RPP30: variants seen among roughly 807,000 people sequenced by gnomAD.
RPP30 encodes ribonuclease P/MRP subunit p30.
RPP30 carries 36 observed loss-of-function variants against 38.6 expected under a neutral mutation model. That is an observed-to-expected ratio of 0.93 (90% CI 0.71 to 1.23). RPP30 has a LOEUF of 1.23. Among genes scored for constraint, RPP30 ranks in the 50% most tolerant of loss-of-function variants. RPP30 has a pLI of 0.00. For synonymous variants in RPP30, 126 were observed against 112.7 expected (o/e 1.12, Z -0.75); for missense variants, 321 against 321.7 (o/e 1.00, Z 0.02).
At chr10:90,875,666 G>T (rs377631821) in intron 3 of RPP30, 52 bp downstream of exon 3, 6 of 1,464,104 alleles carry the variant, frequency 4.1e-6, no homozygotes, top group African/African-American at 2.8e-5. Flanking sequence ...CAGTTAAAAG[G>T]TACCTAATTA....
chr10:90,902,125 G>C lies in RPP30; in HGVS notation c.*1446G>C, dbSNP rs1195111307. ...GAAAATACAGTTTTAAAAAGAGAAA[G>C]CTTTATAACCTCACCAATGAATACA... On this transcript the variant is annotated 3_prime_UTR_variant, in exon 11 of 11. Transcript: ENST00000371703. 1.0e-6 allele frequency: 1 copy of C among 989,462 alleles called. No homozygotes were observed. The highest frequency in any genetic ancestry group is 5.1e-4 in the Middle Eastern group (1 of 1,944). 61.3% of individuals were successfully genotyped at this position (989,462 alleles called of 1,614,324 possible). A position where few individuals can be genotyped will look rare whatever the true frequency, so the allele number is the denominator to read the frequency against.
In RPP30 at chr10:90,899,200, CG is replaced by C. The variant is rs1297016810; in HGVS notation, c.698-1369del. 1.2e-4 allele frequency among the ~76,000 whole-genome samples: 18 copies of C among 152,146 alleles called. No homozygotes were observed. In the East Asian group the frequency reaches 3.1e-3, roughly 26 times the overall value. On this transcript the variant is annotated intron_variant, in intron 10 of 10. Transcript: ENST00000371703. ...CATAAATTAATAGCTATAAGTGTGA[CG>C]TTTTTCATTTGGTGAAATGGAAATC... is the stretch of plus-strand genomic sequence containing the variant.
At position 90,896,296 on chromosome 10, in the gene RPP30, T is replaced by G. The variant is rs1847137710; in HGVS notation, c.618-17T>G. ...CCTTGGGTGACTCTGGGTTGAAATC[T>G]TTAATGCTCCCCCAAGAGGCTTGCT... On this transcript the variant is annotated splice_polypyrimidine_tract_variant and intron_variant, in intron 9 of 10. Transcript: ENST00000371703. The G allele has an allele frequency of 1.2e-6, 2 of 1,612,612 alleles. No homozygotes were observed. The highest frequency in any genetic ancestry group is 8.5e-7 in the Non-Finnish European group (1 of 1,178,716).
At chr10:90,897,763 A>G (rs996156715) in intron 10 of RPP30, among the ~76,000 whole-genome samples, 2 of 152,118 alleles carry the variant, frequency 1.3e-5, no homozygotes, top group Admixed American at 1.3e-4. Flanking sequence ...TTCAGCATAT[A>G]ACACATAATA....
intron 6 of RPP30, among the ~76,000 whole-genome samples, chr10:90,890,035 TG>T (rs1379796259): frequency 2.6e-5 from 4 of 152,204 alleles, no homozygotes; most frequent in Non-Finnish European, 4.4e-5. Flanking sequence ...AGTTTTGGGA[TG>T]GGGTAGATGT....
rs1342890856 is a variant in RPP30 at position 90,899,459 on chromosome 10, T to C, written c.698-1111T>C. Among the ~76,000 whole-genome samples, 16 of 152,212 alleles carry C rather than the reference T, an allele frequency of 1.1e-4. 1 individual carries two copies. Among genetic ancestry groups the C allele is most frequent in the Admixed American group, 1.0e-3 (16 of 15,278 alleles). Reference sequence around the variant, plus strand: ...ATTTCTGTTCAAGTTCTTTTGATTCTGCCACCTTTGTAGCTAATGGGTATC... The same window carrying C: ...ATTTCTGTTCAAGTTCTTTTGATTCCGCCACCTTTGTAGCTAATGGGTATC... On this transcript the variant is annotated intron_variant, in intron 10 of 10. Coordinates refer to ENST00000371703, the MANE Select transcript of RPP30 (RefSeq NM_006413.5).
At chr10:90,874,566 T>C (rs1279591537) in intron 1 of RPP30, among the ~76,000 whole-genome samples, 1 of 152,226 alleles carries the variant, frequency 6.6e-6, no homozygotes, top group Non-Finnish European at 1.5e-5. Flanking sequence ...AACAAAGACC[T>C]GTGTGCCAGG....
intron 4 of RPP30, among the ~76,000 whole-genome samples, chr10:90,877,656 A>G (rs531326389): frequency 5.9e-5 from 9 of 152,142 alleles, no homozygotes; most frequent in African/African-American, 2.2e-4. Flanking sequence ...TATTGATGTG[A>G]CAGTCCTTGG....
intron 6 of RPP30, among the ~76,000 whole-genome samples, chr10:90,894,154 T>TA (rs1341876982): frequency 6.6e-6 from 1 of 152,204 alleles, no homozygotes; most frequent in Non-Finnish European, 1.5e-5. Flanking sequence ...AGAGGACAGA[T>TA]ATCTGGGCAA....
intron 6 of RPP30, among the ~76,000 whole-genome samples, chr10:90,894,537 G>A (rs1847117632): frequency 6.6e-6 from 1 of 152,132 alleles, no homozygotes; most frequent in African/African-American, 2.4e-5. Context: ...TCCTGTTTAT[G>A]TAAAGTCAGC....
At chr10:90,897,867 T>C (rs960862973) in intron 10 of RPP30, among the ~76,000 whole-genome samples, 1 of 152,192 alleles carries the variant, frequency 6.6e-6, no homozygotes, top group Non-Finnish European at 1.5e-5. Context: ...AGGCATGCAA[T>C]GCATAATAAT....
At chr10:90,899,951 C>G (rs761610287) in intron 10 of RPP30, among the ~76,000 whole-genome samples, 1 of 151,508 alleles carries the variant, frequency 6.6e-6, no homozygotes, top group African/African-American at 2.4e-5. Flanking sequence ...ACTCTGCTGC[C>G]AGCCTAATCT....
downstream of RPP30, among the ~76,000 whole-genome samples, chr10:90,906,245 G>T (rs1847254121): frequency 6.6e-6 from 1 of 152,176 alleles, no homozygotes; most frequent in African/African-American, 2.4e-5. Flanking sequence ...CTTCCTGGAG[G>T]AAATACAGCT....
downstream of RPP30, chr10:90,903,344 T>A: frequency 1.0e-6 from 1 of 982,056 alleles, no homozygotes; most frequent in Non-Finnish European, 1.6e-6. Context: ...TGTTCAATTT[T>A]TTGCGACGTC....
At chr10:90,905,783 A>G (rs1218028611), downstream of RPP30, 1 of 152,186 alleles carries the variant, frequency 6.6e-6, no homozygotes, top group African/African-American at 2.4e-5. Context: ...GGGAGATACA[A>G]TTTGATGCAA....
chr10:90,899,484 C>A lies in RPP30; in HGVS notation c.698-1086C>A, dbSNP rs1188595302. ...TGCCACCTTTGTAGCTAATGGGTAT[C>A]TCTCTCTTTCTCCATAATCCCTTTC... On this transcript the variant is annotated intron_variant, in intron 10 of 10. Coordinates refer to ENST00000371703, the MANE Select transcript of RPP30 (RefSeq NM_006413.5). 3.3e-5 allele frequency among the ~76,000 whole-genome samples: 5 copies of A among 152,244 alleles called. No individual in the cohort carries two copies. The East Asian group carries it at 9.6e-4, about 29-fold the overall frequency.
chr10:90,890,323 C>T (rs950867537), intron 6 of RPP30, among the ~76,000 whole-genome samples: 5 of 152,060 alleles, frequency 3.3e-5, no homozygotes, highest in Non-Finnish European at 5.9e-5. Context: ...TTTACTTTCC[C>T]TTTGATTTTT....
At chr10:90,894,490 G>C (rs4933619) in intron 6 of RPP30, among the ~76,000 whole-genome samples, 152,296 of 152,320 alleles carry the variant, frequency 1, 76,136 homozygotes, top group Middle Eastern at 1. Context: ...CCTCTCTCAC[G>C]CCATTGGGAC....
chr10:90,891,313 G>T (rs923903860), intron 6 of RPP30, among the ~76,000 whole-genome samples: 5 of 152,108 alleles, frequency 3.3e-5, no homozygotes, highest in African/African-American at 4.8e-5. Flanking sequence ...TCTTCAGTGT[G>T]TTCTCCCTGT....
Sources: allele counts gnomAD v4.1 joint callset (sites outside exome capture counted in the v4.1 genomes callset), GRCh38; gene constraint gnomAD v4.1.1; transcripts MANE v1.5; gene names NCBI Gene and HGNC (gene_info 2026-07-23, HGNC 2026-07-21).